SEC16A: variants seen among roughly 807,000 people sequenced by gnomAD.
SEC16A encodes protein transport protein Sec16A.
A neutral mutation model predicts 221.9 loss-of-function variants in SEC16A; 110 were observed. The observed-to-expected ratio is 0.50, with a 90% CI of 0.42 to 0.58. The LOEUF (loss-of-function observed/expected upper bound fraction) is 0.58, where lower values mean the gene tolerates loss of function less well. Among genes scored for constraint, SEC16A ranks in the 20% least tolerant of loss-of-function variants. The pLI is 0.00. For synonymous variants in SEC16A, 1,393 were observed against 1,257.7 expected (o/e 1.11, Z -2.28); for missense variants, 3,165 against 3,097.8 (o/e 1.02, Z -0.52).
rs1388673928 is a variant in SEC16A at position 136,474,180 on chromosome 9, C to T, written c.3436G>A (p.Ala1146Thr). The T allele has an allele frequency of 6.8e-6, 11 of 1,612,830 alleles. No individual in the cohort carries two copies. The highest frequency in any genetic ancestry group is 6.7e-5 in the East Asian group (3 of 44,906). ...TGAGGCGGTGGGCCGGGGGCAAGTGCAGGCACTGGCTGTGGCCACGGCTGC... is the reference window on the plus strand; with the variant it reads ...TGAGGCGGTGGGCCGGGGGCAAGTGTAGGCACTGGCTGTGGCCACGGCTGC... ...SEQPWPQPVP[A>T]LAPGPPPQDL... The change falls in exon 3 of 32, where the codon GCA becomes ACA. Residue 1146 changes from alanine to threonine, a missense_variant. Around this residue, in one of 3 missense-constraint regions of SEC16A, gnomAD observed 2,030 missense variants for 1,923.1 expected, o/e 1.06. Transcript: ENST00000684901.
Position 136,446,888 on chromosome 9 carries a change from G to A in SEC16A, c.6759C>T (p.Gly2253=). ...TGREGPAAAR[G]LANPEPAPEP... ...CTGGGGCAGGCTCTGGATTGGCCAG[G>A]CCCCTAGCTGCTGCAGGCCCTTCCC... Residue 2253 remains glycine (G), a synonymous_variant, in exon 28 of 32, where the codon GGC becomes GGT. Transcript: ENST00000684901. 2 of 1,612,910 alleles carry A rather than the reference G, an allele frequency of 1.2e-6. No homozygotes were observed. The highest frequency in any genetic ancestry group is 1.7e-6 in the Non-Finnish European group (2 of 1,179,578).
At chr9:136,449,390 C>T (rs1237069267) in intron 23 of SEC16A, among the ~76,000 whole-genome samples, 1 of 152,226 alleles carries the variant, frequency 6.6e-6, no homozygotes, top group African/African-American at 2.4e-5. Flanking sequence ...GCTGGGATTA[C>T]AGGCACCCAC....
At chr9:136,455,269 G>A (rs1167217415) in intron 20 of SEC16A, among the ~76,000 whole-genome samples, 1 of 152,228 alleles carries the variant, frequency 6.6e-6, no homozygotes, top group Non-Finnish European at 1.5e-5. Context: ...ACAGCCGAGG[G>A]CGCCGCCCAG....
chr9:136,474,091 CAA>C lies in SEC16A; in HGVS notation c.3523_3524del (p.Leu1175AlafsTer21), dbSNP rs1276789140. Reference sequence around the variant, plus strand: ...CTGCGCCAGGCTCCGGTGGGTACGGCAAAGAGTACTGAGGCTGGTAGGCATCG... The same window carrying C: ...CTGCGCCAGGCTCCGGTGGGTACGGCAGAGTACTGAGGCTGGTAGGCATCG... The part of the protein sequence containing the change: ...LYDAYQPQYS[L>X]PYPPEPGAAS... On this transcript the variant is annotated frameshift_variant, in exon 3 of 32. Coordinates refer to ENST00000684901, the MANE Select transcript of SEC16A (RefSeq NM_014866.2). LOFTEE classifies it high-confidence loss of function. 6.2e-7 allele frequency: 1 copy of C among 1,612,316 alleles called. No homozygotes were observed. The highest frequency in any genetic ancestry group is 1.3e-5 in the African/African-American group (1 of 74,900).
chr9:136,447,645 G>C lies in SEC16A; in HGVS notation c.6483C>G (p.Pro2161=). The C allele has an allele frequency of 6.2e-7, 1 of 1,613,560 alleles. No individual in the cohort carries two copies. The highest frequency in any genetic ancestry group is 2.2e-5 in the East Asian group (1 of 44,882). ...KAPPPPPTSM[P]KTVQAAPPAL... ...CAGGCGGGGCAGCTTGCACAGTCTT[G>C]GGCATCGAGGTTGGAGGTGGGGGCG... The change falls in exon 26 of 32, where the codon CCC becomes CCG. Residue 2161 remains proline, a synonymous_variant. Transcript: ENST00000684901. The surrounding 1 kb of genome is among the most constrained non-coding windows in gnomAD (Gnocchi z 5.5).
rs1341990451 is a variant in SEC16A at position 136,457,557 on chromosome 9, G to T, written c.5437C>A (p.Leu1813Met). ...TGCGTGGCCAGCCCCATTTCCGCCA[G>T]GCGGCAGGAGTAGATGAACTTAAAC... ...QVFKFIYSCR[L>M]AEMGLATQAF... Residue 1813 changes from leucine (L) to methionine (M), a missense_variant, in exon 18 of 32, where the codon CTG becomes ATG. By Grantham distance (15) the Leu-to-Met change is conservative. Transcript: ENST00000684901. 4 of 1,611,206 alleles carry T rather than the reference G, an allele frequency of 2.5e-6. No homozygotes were observed.
intron 9 of SEC16A, 35 bp from the exon 10 acceptor site, chr9:136,463,775 G>C: frequency 6.2e-7 from 1 of 1,608,904 alleles, no homozygotes. Context: ...GTGGCAGCCA[G>C]TGCGCAGCCA....
Position 136,466,091 on chromosome 9 carries a change from C to A in SEC16A, c.4174G>T (p.Ala1392Ser), listed in dbSNP as rs1840111363. 6.2e-7 allele frequency: 1 copy of A among 1,608,774 alleles called. No homozygotes were observed. The highest frequency in any genetic ancestry group is 1.7e-5 in the Admixed American group (1 of 59,494). The change falls in exon 8 of 32, where the codon GCC becomes TCC. Residue 1392 changes from alanine (A) to serine (S), a missense_variant. Physicochemically the swap from Ala to Ser is moderately conservative, Grantham distance 99. This residue lies in a region of SEC16A where 2,030 missense variants were observed against 1,923.1 expected (regional missense o/e 1.06). Coordinates refer to ENST00000684901, the MANE Select transcript of SEC16A (RefSeq NM_014866.2). This position sits in a 1 kb window ranked among gnomAD's most constrained non-coding sequence, Gnocchi z 5.5. ...SHNVAAGSYE[A>S]PLPPGSFHGD... is the part of the protein sequence containing the mutation. ...TGAAAGGAGCCTGGAGGAAGCGGGGCCTCGTAGGAACCGGCAGCCACATTG... is the reference window on the plus strand; with the variant it reads ...TGAAAGGAGCCTGGAGGAAGCGGGGACTCGTAGGAACCGGCAGCCACATTG...
rs777504930 is a variant in SEC16A at position 136,464,408 on chromosome 9, G to A, written c.4446+12C>T. The A allele has an allele frequency of 1.2e-5, 19 of 1,593,544 alleles. No individual in the cohort carries two copies. Among genetic ancestry groups the A allele is most frequent in the South Asian group, 4.4e-5 (4 of 90,350 alleles). On this transcript the variant is annotated intron_variant, in intron 9 of 31. Coordinates refer to ENST00000684901, the MANE Select transcript of SEC16A (RefSeq NM_014866.2). ...CAGAGCAGTGACGCCACGCTTCTGCGTGTGCCATTACCTCCATGCTGTGGA... is the reference window on the plus strand; with the variant it reads ...CAGAGCAGTGACGCCACGCTTCTGCATGTGCCATTACCTCCATGCTGTGGA...
Position 136,464,515 on chromosome 9 carries a change from A to G in SEC16A, c.4351T>C (p.Cys1451Arg). Residue 1451 changes from cysteine (C) to arginine (R), a missense_variant, in exon 9 of 32, where the codon TGT becomes CGT. Coordinates refer to ENST00000684901, the MANE Select transcript of SEC16A (RefSeq NM_014866.2). ...SPEKFSVPHV[C>R]ARFGPGGQLI... ...TGACCGCCAGGGCCAAACCTGGCAC[A>G]GACATGAGGCACTGAAAATTTTTCA... 1 of 1,609,596 alleles carries G rather than the reference A, an allele frequency of 6.2e-7. No individual in the cohort carries two copies. The highest frequency in any genetic ancestry group is 8.5e-7 in the Non-Finnish European group (1 of 1,176,166).
At chr9:136,445,215 T>C (rs1836801654) in intron 29 of SEC16A, 104 bp from the exon 30 acceptor site, 1 of 969,892 alleles carries the variant, frequency 1.0e-6, no homozygotes, top group African/African-American at 1.6e-5. Flanking sequence ...TGTGATGCCA[T>C]TAGAATCAAC....
intron 5 of SEC16A, among the ~76,000 whole-genome samples, chr9:136,467,306 T>C (rs1301425040): frequency 6.6e-6 from 1 of 152,250 alleles, no homozygotes; most frequent in African/African-American, 2.4e-5. Context: ...ACAAGTGTTT[T>C]AGATTAAAAG....
chr9:136,460,072 G>T lies in SEC16A; in HGVS notation c.5043C>A (p.Leu1681=), dbSNP rs1222280809. 3 of 1,606,948 alleles carry T rather than the reference G, an allele frequency of 1.9e-6. No homozygotes were observed. The South Asian group carries it at 3.3e-5, about 18-fold the overall frequency. ...ACGCGGCAGGCATCCGTCCGGACATGAGCTGGTAGACTGTCTGCAGAGGGT... is the reference window on the plus strand; with the variant it reads ...ACGCGGCAGGCATCCGTCCGGACATTAGCTGGTAGACTGTCTGCAGAGGGT... ...INDPLQTVYQ[L]MSGRMPAAST... Residue 1681 remains leucine, a synonymous_variant, in exon 14 of 32, where the codon CTC becomes CTA. Transcript: ENST00000684901.
intron 29 of SEC16A, 43 bp downstream of exon 29, chr9:136,445,602 G>A (rs1836863448): frequency 7.0e-7 from 1 of 1,434,968 alleles, no homozygotes; most frequent in Non-Finnish European, 9.6e-7. Flanking sequence ...GAGCTGCTGG[G>A]GAGGCCTGGG....
intron 13 of SEC16A, 107 bp downstream of exon 13, chr9:136,461,070 C>T (rs1485872835): frequency 3.6e-6 from 3 of 828,320 alleles, no homozygotes; most frequent in Non-Finnish European, 6.1e-6. Flanking sequence ...GGGAGCACAG[C>T]ACAGTCAAGT....
At chr9:136,445,463 A>G (rs1836837812) in intron 29 of SEC16A, among the ~76,000 whole-genome samples, 182 bp downstream of exon 29, 1 of 152,186 alleles carries the variant, frequency 6.6e-6, no homozygotes, top group South Asian at 2.1e-4. Context: ...TGGAGCTCCC[A>G]AACAGTTTTG....
At chr9:136,464,723 A>G (rs893460691) in intron 8 of SEC16A, among the ~76,000 whole-genome samples, 161 bp from the exon 9 acceptor site, 1 of 152,256 alleles carries the variant, frequency 6.6e-6, no homozygotes. Context: ...ACTTAAAAGT[A>G]GAACTTCAGC....
Position 136,476,551 on chromosome 9 carries a change from G to GGCCCCA in SEC16A, c.1059_1064dup (p.Ala355_Gly356dup). ...CTTCTAGCGGGGCACAGCCAGACCC[G>GGCCCCA]GCCCCAGCCCCCAGTGGGTGGTGCG... On this transcript the variant is annotated inframe_insertion, in exon 3 of 32. Transcript: ENST00000684901. 2 of 1,610,880 alleles carry GGCCCCA rather than the reference G, an allele frequency of 1.2e-6. No homozygotes were observed. Among genetic ancestry groups the GGCCCCA allele is most frequent in the African/African-American group, 2.7e-5 (2 of 74,980 alleles).
chr9:136,454,683 A>G (rs546298417), intron 20 of SEC16A, among the ~76,000 whole-genome samples: 15 of 152,320 alleles, frequency 9.8e-5, no homozygotes, highest in African/African-American at 3.4e-4. Context: ...CCACTCGTTC[A>G]TTCCTTCATT....
Sources: gnomAD v4.1 joint callset for allele counts (sites outside exome capture counted in the v4.1 genomes callset) on GRCh38, gnomAD v4.1.1 for gene constraint, gnomAD v4.1.1 regional missense constraint, Gnocchi (gnomAD v3.1) non-coding constraint, MANE v1.5 for transcripts, NCBI Gene and HGNC (gene_info 2026-07-23, HGNC 2026-07-21) for gene names.